Variants in RGL1 observed in about 807,000 individuals in gnomAD.
The protein encoded by RGL1 is ral guanine nucleotide dissociation stimulator like 1.
RGL1 carries 24 observed loss-of-function variants against 95.2 expected under a neutral mutation model. That is an observed-to-expected ratio of 0.25 (90% CI 0.18 to 0.35). RGL1 has a LOEUF of 0.35. Ranked by LOEUF, RGL1 falls within the 10% of genes least tolerant of loss-of-function variation. RGL1 has a pLI of 1.00. For synonymous variants in RGL1, 329 were observed against 344.9 expected (o/e 0.95, Z 0.51); for missense variants, 715 against 936.3 (o/e 0.76, Z 3.08).
chr1:183,910,263 A>C (rs774671407), intron 14 of RGL1, among the ~76,000 whole-genome samples: 2 of 151,998 alleles, frequency 1.3e-5, no homozygotes, highest in African/African-American at 2.4e-5. Context: ...CACCTGGGTA[A>C]TTTTTTTGTA....
At chr1:183,848,192 A>T (rs1210855162) in intron 3 of RGL1, among the ~76,000 whole-genome samples, 1 of 152,222 alleles carries the variant, frequency 6.6e-6, no homozygotes, top group African/African-American at 2.4e-5. Flanking sequence ...CACAGGAAGC[A>T]GCTTAGGAAT....
intron 2 of RGL1, among the ~76,000 whole-genome samples, chr1:183,830,815 T>C (rs1333601107): frequency 6.6e-6 from 1 of 152,224 alleles, no homozygotes; most frequent in Non-Finnish European, 1.5e-5. Flanking sequence ...TATGAAGAGA[T>C]GGGACCAGTT....
At chr1:183,694,691 A>C (rs1327459437) in intron 1 of RGL1, among the ~76,000 whole-genome samples, 1 of 152,236 alleles carries the variant, frequency 6.6e-6, no homozygotes, top group Non-Finnish European at 1.5e-5. Context: ...ATGATAACTC[A>C]GATTTGCAGA....
chr1:183,916,772 G>C (rs1053954071), intron 16 of RGL1, 71 bp downstream of exon 16: 3 of 1,534,676 alleles, frequency 2.0e-6, no homozygotes, highest in Admixed American at 3.6e-5. Context: ...CGGCCGCTCA[G>C]ACTAATAGCC....
At chr1:183,778,844 C>T (rs959760119) in intron 2 of RGL1, among the ~76,000 whole-genome samples, 12 of 152,162 alleles carry the variant, frequency 7.9e-5, no homozygotes, top group African/African-American at 2.9e-4. Context: ...AGGGAATTGT[C>T]TGCATCTTTC....
At chr1:183,837,580 T>G (rs569546171) in intron 2 of RGL1, among the ~76,000 whole-genome samples, 38 of 60,770 alleles carry the variant, frequency 6.3e-4, no homozygotes, top group South Asian at 1.5e-3. Context: ...ATCCTTGAAC[T>G]TCTCAAAATT....
At chr1:183,911,770 G>A (rs1668654995) in intron 14 of RGL1, among the ~76,000 whole-genome samples, 1 of 152,144 alleles carries the variant, frequency 6.6e-6, no homozygotes, top group South Asian at 2.1e-4. Flanking sequence ...AGTGATGGGG[G>A]TATGCTGATG....
intron 2 of RGL1, among the ~76,000 whole-genome samples, chr1:183,755,427 G>A (rs1051185431): frequency 1.3e-5 from 2 of 151,612 alleles, no homozygotes; most frequent in African/African-American, 4.8e-5. Context: ...AAATTTAAAT[G>A]ATAAATAATA....
chr1:183,711,404 G>T (rs1232284833), intron 1 of RGL1, among the ~76,000 whole-genome samples: 1 of 152,136 alleles, frequency 6.6e-6, no homozygotes, highest in African/African-American at 2.4e-5. Context: ...TCAGTGAGCA[G>T]TTTTCTGGGA....
At chr1:183,658,304 T>A (rs940539522) in intron 1 of RGL1, among the ~76,000 whole-genome samples, 3 of 152,128 alleles carry the variant, frequency 2.0e-5, no homozygotes, top group African/African-American at 7.2e-5. Flanking sequence ...CCTTTCCTAG[T>A]CAAAGAAAGG....
intron 1 of RGL1, among the ~76,000 whole-genome samples, chr1:183,687,798 A>G (rs1485924079): frequency 2.0e-5 from 3 of 152,352 alleles, no homozygotes; most frequent in Non-Finnish European, 2.9e-5. Context: ...TACCGGGCCA[A>G]TGAATAAATT....
chr1:183,686,137 C>A (rs950867337), intron 1 of RGL1, among the ~76,000 whole-genome samples: 5 of 151,984 alleles, frequency 3.3e-5, no homozygotes, highest in South Asian at 2.1e-4. Context: ...TATGTCATGC[C>A]GAATCAACAT....
intron 2 of RGL1, among the ~76,000 whole-genome samples, chr1:183,810,916 G>A (rs909304966): frequency 6.6e-6 from 1 of 152,162 alleles, no homozygotes; most frequent in Non-Finnish European, 1.5e-5. Flanking sequence ...GTAATTGCCT[G>A]TTTACTTGTT....
intron 14 of RGL1, among the ~76,000 whole-genome samples, chr1:183,908,150 T>C (rs1207453784): frequency 6.6e-6 from 1 of 152,116 alleles, no homozygotes; most frequent in Non-Finnish European, 1.5e-5. Flanking sequence ...TCAGTTAATA[T>C]CTTTTTGAGG....
At chr1:183,656,935 G>T (rs555168315) in intron 1 of RGL1, among the ~76,000 whole-genome samples, 1 of 143,338 alleles carries the variant, frequency 7.0e-6, no homozygotes, top group Non-Finnish European at 1.5e-5. Context: ...ACTACCCAAT[G>T]TTTGCTTTAC....
chr1:183,877,621 T>C (rs1666580725), intron 4 of RGL1, among the ~76,000 whole-genome samples: 1 of 152,198 alleles, frequency 6.6e-6, no homozygotes, highest in Non-Finnish European at 1.5e-5. Flanking sequence ...TGTTTGTGTA[T>C]GTCTTTCCCT....
intron 1 of RGL1, among the ~76,000 whole-genome samples, chr1:183,726,999 T>C (rs1656346620): frequency 6.6e-6 from 1 of 152,152 alleles, no homozygotes; most frequent in Non-Finnish European, 1.5e-5. Context: ...GGAGAAATAC[T>C]TTTATTTTAT....
At chr1:183,843,788 T>C (rs970442323) in intron 2 of RGL1, among the ~76,000 whole-genome samples, 1 of 151,820 alleles carries the variant, frequency 6.6e-6, no homozygotes, top group African/African-American at 2.4e-5. Flanking sequence ...CCTTTTATTG[T>C]TGTTAATATT....
chr1:183,809,763 T>C (rs1661579778), intron 2 of RGL1, among the ~76,000 whole-genome samples: 1 of 152,062 alleles, frequency 6.6e-6, no homozygotes, highest in Non-Finnish European at 1.5e-5. Context: ...CTGGGCAACA[T>C]AGCAAGACCC....
Sources: gnomAD v4.1 joint callset for allele counts (sites outside exome capture counted in the v4.1 genomes callset) on GRCh38, gnomAD v4.1.1 for gene constraint, MANE v1.5 for transcripts, NCBI Gene and HGNC (gene_info 2026-07-23, HGNC 2026-07-21) for gene names.